RPS6KA3: variants seen among roughly 807,000 people sequenced by gnomAD.
The protein encoded by RPS6KA3 is ribosomal protein S6 kinase alpha-3.
RPS6KA3 carries 4 observed loss-of-function variants against 67.2 expected under a neutral mutation model. The observed-to-expected ratio is 0.06, with a 90% confidence interval of 0.03 to 0.14. The LOEUF (loss-of-function observed/expected upper bound fraction) is 0.14, where lower values mean the gene tolerates loss of function less well. Ranked by LOEUF, RPS6KA3 falls within the 10% of genes least tolerant of loss-of-function variation. The pLI, the probability that RPS6KA3 is intolerant of heterozygous loss-of-function variation, is 1.00. For synonymous variants in RPS6KA3, 182 were observed against 183.7 expected (o/e 0.99, Z 0.07); for missense variants, 204 against 559.0 (o/e 0.36, Z 6.40).
At chrX:20,188,642 T>A in intron 7 of RPS6KA3, 108 bp from the exon 8 acceptor site, 1 of 466,518 alleles carries the variant, frequency 2.1e-6, no homozygotes, top group South Asian at 3.0e-5. Context: ...CTCTAAAACA[T>A]TGCTTTAGAC....
chrX:20,228,461 AG>A (rs1354152978), intron 2 of RPS6KA3, among the ~76,000 whole-genome samples: 1 of 111,394 alleles, frequency 9.0e-6, no homozygotes, highest in Non-Finnish European at 1.9e-5. Flanking sequence ...ATTCAGTAAT[AG>A]GTTTTCACTT....
chrX:20,199,341 ATTC>A (rs1435197868), intron 4 of RPS6KA3, among the ~76,000 whole-genome samples: 1 of 111,877 alleles, frequency 8.9e-6, no homozygotes, highest in Non-Finnish European at 1.9e-5. Flanking sequence ...GGTTCACTAT[ATTC>A]TTCTGTCTCT....
rs1603416179 is a variant in RPS6KA3, at chrX:20,150,958, A to C, written c.*4440T>G. The C allele has an allele frequency of 8.9e-6, 1 of 112,682 alleles. No homozygotes were observed. The highest frequency in any genetic ancestry group is 2.8e-4 in the East Asian group (1 of 3,611). 9.3% of individuals were successfully genotyped at this position (112,682 alleles called of 1,213,427 possible). On this transcript the variant is annotated 3_prime_UTR_variant, in exon 22 of 22. Transcript: ENST00000379565. ...GGCAAAATAATGAGGAAAGTGCCTT[A>C]AGAGGTAGGAAGTAGGCTCTCATCC...
chrX:20,169,035 T>C (rs2067509139), intron 16 of RPS6KA3, among the ~76,000 whole-genome samples: 1 of 111,909 alleles, frequency 8.9e-6, no homozygotes, highest in Non-Finnish European at 1.9e-5. Context: ...AAATATTCTT[T>C]AGAGACAGGG....
chrX:20,214,189 G>A (rs1462872101), intron 2 of RPS6KA3, among the ~76,000 whole-genome samples: 1 of 111,005 alleles, frequency 9.0e-6, no homozygotes, highest in Admixed American at 9.5e-5. Flanking sequence ...CCCTCCCATC[G>A]GGATTGGTGG....
chrX:20,210,206 T>C (rs1451713245), intron 2 of RPS6KA3, among the ~76,000 whole-genome samples: 2 of 112,164 alleles, frequency 1.8e-5, no homozygotes, highest in South Asian at 3.7e-4. Flanking sequence ...AGGATTTCAA[T>C]TACTTATGTG....
At chrX:20,263,267 CTAAAT>C (rs2070283879) in intron 1 of RPS6KA3, among the ~76,000 whole-genome samples, 1 of 111,948 alleles carries the variant, frequency 8.9e-6, no homozygotes, top group Non-Finnish European at 1.9e-5. Flanking sequence ...TTATGATCCA[CTAAAT>C]GCTGTCTCTG....
rs2067168409 is a variant in RPS6KA3 at position 20,155,515 on chromosome X, G to C, written c.2106C>G (p.Ala702=). ...RQDAPHLVKG[A]MAATYSALNR... ...TCAAAGCAGAATATGTAGCTGCCAT[G>C]GCACCCTGAACAAAGGAAATAAAGG... is the stretch of plus-strand genomic sequence containing the variant. Residue 702 remains alanine (A), a synonymous_variant, in exon 22 of 22, where the codon GCC becomes GCG. Transcript: ENST00000379565. The C allele has an allele frequency of 8.3e-7, 1 of 1,211,025 alleles. No homozygotes were observed. The highest frequency in any genetic ancestry group is 3.0e-5 in the East Asian group (1 of 33,855).
intron 2 of RPS6KA3, among the ~76,000 whole-genome samples, chrX:20,215,338 T>C (rs992197849): frequency 2.7e-5 from 3 of 110,979 alleles, no homozygotes; most frequent in African/African-American, 9.9e-5. Flanking sequence ...ATTTATAAAA[T>C]ATTTTTCTAA....
chrX:20,237,880 C>A (rs1281090541), intron 1 of RPS6KA3, among the ~76,000 whole-genome samples: 1 of 111,386 alleles, frequency 9.0e-6, no homozygotes, highest in Non-Finnish European at 1.9e-5. Context: ...ACTACCAGGA[C>A]AAGAATGTAC....
Position 20,266,865 on chromosome X carries a change from C to A in RPS6KA3, c.-233G>T, listed in dbSNP as rs1377783167. 2.4e-5 allele frequency: 11 copies of A among 461,093 alleles called. No homozygotes were observed. Among genetic ancestry groups the A allele is most frequent in the Non-Finnish European group, 3.0e-5 (11 of 372,270 alleles). 38.0% of individuals were successfully genotyped at this position (461,093 alleles called of 1,213,427 possible). A position where few individuals can be genotyped will look rare whatever the true frequency, so the allele number is the denominator to read the frequency against. ...TGGCCAGAGACGCCCGCGCGCTGAG[C>A]GAGAGCCTCGCGCCTCCGCTGGGCA... is the stretch of plus-strand genomic sequence containing the variant. On this transcript the variant is annotated 5_prime_UTR_variant, in exon 1 of 22. Transcript: ENST00000379565.
chrX:20,245,278 T>G (rs1349957743), intron 1 of RPS6KA3, among the ~76,000 whole-genome samples: 1 of 111,961 alleles, frequency 8.9e-6, no homozygotes, highest in Non-Finnish European at 1.9e-5. Flanking sequence ...TTTAAAATTT[T>G]GGGGGGTTTT....
chrX:20,160,070 C>A (rs906370298), intron 20 of RPS6KA3, among the ~76,000 whole-genome samples: 15 of 112,245 alleles, frequency 1.3e-4, no homozygotes, highest in African/African-American at 4.9e-4. Flanking sequence ...AGGACTACAT[C>A]TTTCAGCTCC....
At chrX:20,266,040 C>T (rs2070371810) in intron 1 of RPS6KA3, 1 of 112,296 alleles carries the variant, frequency 8.9e-6, no homozygotes, top group African/African-American at 3.3e-5. Context: ...AGGCAAAACC[C>T]TGCACCCCCT....
intron 20 of RPS6KA3, among the ~76,000 whole-genome samples, chrX:20,157,069 TC>T (rs1331232745): frequency 1.8e-5 from 2 of 111,741 alleles, no homozygotes; most frequent in Non-Finnish European, 3.8e-5. Flanking sequence ...ATAATCCCAC[TC>T]TTCCAGAGAC....
chrX:20,214,738 CT>C (rs1165961977), intron 2 of RPS6KA3, among the ~76,000 whole-genome samples: 1 of 111,244 alleles, frequency 9.0e-6, no homozygotes, highest in Non-Finnish European at 1.9e-5. Flanking sequence ...CAGGGCTTCT[CT>C]TTTTGTGACT....
In RPS6KA3 at chrX:20,209,339, A is replaced by G; in HGVS notation, c.192T>C (p.Asp64=). ...HHVKEGHEKA[D]PSQFELLKVL... Reference sequence around the variant, plus strand: ...CTTTTAAAAGTTCAAACTGGGAAGGATCTGCCTTTTCATGTCCTTCCTTTA... The same window carrying G: ...CTTTTAAAAGTTCAAACTGGGAAGGGTCTGCCTTTTCATGTCCTTCCTTTA... Residue 64 remains aspartate, a synonymous_variant, in exon 3 of 22, where the codon GAT becomes GAC. Coordinates refer to ENST00000379565, the MANE Select transcript of RPS6KA3 (RefSeq NM_004586.3). 1 of 1,202,724 alleles carries G rather than the reference A, an allele frequency of 8.3e-7. No individual in the cohort carries two copies.
intron 2 of RPS6KA3, among the ~76,000 whole-genome samples, chrX:20,213,080 T>C (rs1255903040): frequency 8.9e-6 from 1 of 111,973 alleles, no homozygotes; most frequent in Non-Finnish European, 1.9e-5. Flanking sequence ...GCATTCGAGG[T>C]CCTCTACAAT....
At chrX:20,178,222 C>T (rs2067746963) in intron 10 of RPS6KA3, among the ~76,000 whole-genome samples, 1 of 110,498 alleles carries the variant, frequency 9.0e-6, no homozygotes, top group East Asian at 2.8e-4. Context: ...GACAAGGGAA[C>T]AGTAGGGGAT....
Sources: gnomAD v4.1 joint callset for allele counts (sites outside exome capture counted in the v4.1 genomes callset) on GRCh38, gnomAD v4.1.1 for gene constraint, MANE v1.5 for transcripts, NCBI Gene and HGNC (gene_info 2026-07-23, HGNC 2026-07-21) for gene names.